The following SDK1 variants were observed in gnomAD, a reference collection of about 807,000 sequenced individuals.
SDK1 encodes protein sidekick-1.
SDK1 carries 157 observed loss-of-function variants against 245.5 expected under a neutral mutation model. The ratio of observed to expected loss-of-function variants is 0.64; its 90% CI spans 0.56 to 0.73. The LOEUF is 0.73. Ranked by LOEUF, SDK1 falls within the 30% of genes least tolerant of loss-of-function variation. The probability of loss-of-function intolerance (pLI) is 0.00; values close to 1 mark genes in which losing one functional copy is unlikely to be tolerated. For missense variants in SDK1, 3,583 were observed against 3,002.3 expected (o/e 1.19, Z -4.52); for synonymous variants, 1,647 against 1,278.5 (o/e 1.29, Z -6.15).
chr7:3,864,581 A>G (rs1373703544), intron 5 of SDK1, among the ~76,000 whole-genome samples: 1 of 152,176 alleles, frequency 6.6e-6, no homozygotes. Flanking sequence ...ACCAGAGCTG[A>G]ACTTGGCCAC....
chr7:4,046,647 C>A (rs888877738), intron 17 of SDK1, among the ~76,000 whole-genome samples: 13 of 152,156 alleles, frequency 8.5e-5, no homozygotes, highest in Non-Finnish European at 1.2e-4. Flanking sequence ...GTGTGTCCAG[C>A]CCTTCTCCAG....
In SDK1 at chr7:3,562,822, C is replaced by T. The variant is rs188819491; in HGVS notation, c.299-56258C>T. The stretch of plus-strand genomic sequence containing the variant: ...AGAAGTATCTTCAGCTATACAAGAC[C>T]TTATAAAAGTTTCTATATAAAGAGC... On this transcript the variant is annotated intron_variant, in intron 1 of 44. Coordinates refer to ENST00000404826, the MANE Select transcript of SDK1 (RefSeq NM_152744.4). 3.9e-3 allele frequency among the ~76,000 whole-genome samples: 599 copies of T among 151,734 alleles called. 2 individuals carry two copies. The highest frequency in any genetic ancestry group is 6.2e-3 in the Non-Finnish European group (421 of 67,946).
At chr7:3,903,720 T>C (rs1045540991) in intron 5 of SDK1, among the ~76,000 whole-genome samples, 1 of 152,114 alleles carries the variant, frequency 6.6e-6, no homozygotes. Flanking sequence ...ATGTGATGGT[T>C]TGGATGTTTG....
intron 5 of SDK1, among the ~76,000 whole-genome samples, chr7:3,904,876 C>A (rs1313172606): frequency 6.6e-6 from 1 of 151,564 alleles, no homozygotes; most frequent in African/African-American, 2.4e-5. Context: ...GCCTGTAGTC[C>A]CAGCTACTCG....
chr7:4,195,521 G>A (rs796797152), intron 35 of SDK1, among the ~76,000 whole-genome samples: 10 of 152,296 alleles, frequency 6.6e-5, no homozygotes, highest in African/African-American at 2.4e-4. Context: ...AGTCTCTTGG[G>A]GAACCCAGGC....
At position 4,145,834 on chromosome 7, in the gene SDK1, A is replaced by C. The variant is rs1003902217; in HGVS notation, c.4341A>C (p.Ala1447=). Reference sequence around the variant, plus strand: ...CCACCGACCTGGCCCCGGAGTCCGCATACATCTTCAGGCTGTCCGCCAAGA... The same window carrying C: ...CCACCGACCTGGCCCCGGAGTCCGCCTACATCTTCAGGCTGTCCGCCAAGA... ...FTATDLAPES[A]YIFRLSAKTR... The change falls in exon 29 of 45, where the codon GCA becomes GCC. Residue 1447 remains alanine (A), a synonymous_variant. Coordinates refer to ENST00000404826, the MANE Select transcript of SDK1 (RefSeq NM_152744.4). The C allele has an allele frequency of 1.2e-6, 2 of 1,613,702 alleles. No individual in the cohort carries two copies. The highest frequency in any genetic ancestry group is 8.5e-7 in the Non-Finnish European group (1 of 1,179,950).
At chr7:3,728,461 C>G (rs1208938093) in intron 4 of SDK1, among the ~76,000 whole-genome samples, 1 of 152,176 alleles carries the variant, frequency 6.6e-6, no homozygotes, top group South Asian at 2.1e-4. Flanking sequence ...CTCTGTGATT[C>G]CATCACATCT....
At chr7:4,258,947 A>G (rs950161078) in intron 44 of SDK1, among the ~76,000 whole-genome samples, 1 of 152,244 alleles carries the variant, frequency 6.6e-6, no homozygotes, top group Non-Finnish European at 1.5e-5. Flanking sequence ...ATTTCAATAC[A>G]TGTGATTTTC....
chr7:4,083,654 C>CT (rs1781219681), intron 22 of SDK1, among the ~76,000 whole-genome samples: 1 of 19,386 alleles, frequency 5.2e-5, no homozygotes, highest in African/African-American at 1.8e-4. Context: ...CCTTCCTCCA[C>CT]CCCTCCCTTC....
intron 4 of SDK1, among the ~76,000 whole-genome samples, chr7:3,809,010 T>C (rs1644134664): frequency 6.6e-6 from 1 of 152,148 alleles, no homozygotes; most frequent in South Asian, 2.1e-4. Flanking sequence ...ATTAGGCTGT[T>C]CTTGCATTGT....
intron 1 of SDK1, among the ~76,000 whole-genome samples, chr7:3,608,152 A>C (rs1380129899): frequency 2.0e-5 from 3 of 152,236 alleles, no homozygotes; most frequent in African/African-American, 7.2e-5. Context: ...ACCAAAATCT[A>C]GCTCTCTCAA....
At chr7:3,455,359 T>C (rs1780637282) in intron 1 of SDK1, among the ~76,000 whole-genome samples, 1 of 151,872 alleles carries the variant, frequency 6.6e-6, no homozygotes, top group Non-Finnish European at 1.5e-5. Context: ...TACCTACCAT[T>C]AGTTCCTGAA....
intron 37 of SDK1, among the ~76,000 whole-genome samples, chr7:4,208,681 G>A (rs17305543): frequency 0.12 from 17,810 of 152,230 alleles, 1,429 homozygotes; most frequent in Non-Finnish European, 0.17. Flanking sequence ...CTTGGGGGTA[G>A]GCTCCTCGGG....
intron 4 of SDK1, among the ~76,000 whole-genome samples, chr7:3,671,688 A>T (rs1053875542): frequency 2.0e-5 from 3 of 152,220 alleles, no homozygotes; most frequent in East Asian, 1.9e-4. Flanking sequence ...TTCATTGTAG[A>T]TGTTGTCATT....
chr7:4,086,634 C>T (rs1209152301), intron 22 of SDK1, among the ~76,000 whole-genome samples: 1 of 152,126 alleles, frequency 6.6e-6, no homozygotes, highest in Non-Finnish European at 1.5e-5. Flanking sequence ...CCTTCCTTCT[C>T]ATCTCTCTGG....
At chr7:3,326,726 G>C (rs1306835467) in intron 1 of SDK1, among the ~76,000 whole-genome samples, 1 of 151,946 alleles carries the variant, frequency 6.6e-6, no homozygotes, top group Non-Finnish European at 1.5e-5. Flanking sequence ...TGCAATGGTA[G>C]AGTATGCATC....
Position 3,607,384 on chromosome 7 carries a change from C to T in SDK1, c.299-11696C>T, listed in dbSNP as rs191106882. ...GTAATTTGAATAAAAGAAATATGTG[C>T]GTTAGTAAAACCGACTATACTATAT... On this transcript the variant is annotated intron_variant, in intron 1 of 44. Transcript: ENST00000404826. Among the ~76,000 whole-genome samples the T allele has an allele frequency of 2.6e-4, 40 of 152,210 alleles. No homozygotes were observed. The East Asian group carries it at 6.9e-3, about 26-fold the overall frequency.
At chr7:4,229,130 T>G (rs1263512791) in intron 40 of SDK1, among the ~76,000 whole-genome samples, 2 of 152,214 alleles carry the variant, frequency 1.3e-5, no homozygotes, top group Non-Finnish European at 2.9e-5. Context: ...GAGATACTTT[T>G]CTCCATCATT....
At chr7:3,361,928 C>T (rs1249320210) in intron 1 of SDK1, among the ~76,000 whole-genome samples, 1 of 152,174 alleles carries the variant, frequency 6.6e-6, no homozygotes, top group Non-Finnish European at 1.5e-5. Context: ...TATCTAAGAG[C>T]AGATTACATT....
Sources: allele counts gnomAD v4.1 joint callset (sites outside exome capture counted in the v4.1 genomes callset), GRCh38; gene constraint gnomAD v4.1.1; transcripts MANE v1.5; gene names NCBI Gene and HGNC (gene_info 2026-07-23, HGNC 2026-07-21).